TMTC2: variants seen among roughly 807,000 people sequenced by gnomAD.
TMTC2 encodes the protein protein O-mannosyl-transferase TMTC2.
Under a neutral mutation model 82.4 loss-of-function variants are expected in TMTC2, and 43 were observed. The ratio of observed to expected loss-of-function variants is 0.52; its 90% CI spans 0.41 to 0.67. TMTC2 has a LOEUF of 0.67. Among genes scored for constraint, TMTC2 ranks in the 30% least tolerant of loss-of-function variants. TMTC2 has a pLI of 0.00. For synonymous variants in TMTC2, 408 were observed against 381.9 expected (o/e 1.07, Z -0.80); for missense variants, 919 against 1,012.4 (o/e 0.91, Z 1.25).
At chr12:82,916,238 G>T (rs1167455905) in intron 3 of TMTC2, among the ~76,000 whole-genome samples, 2 of 152,164 alleles carry the variant, frequency 1.3e-5, no homozygotes, top group Non-Finnish European at 2.9e-5. Flanking sequence ...CAGTGTGATA[G>T]GCAAAATAGG....
chr12:82,720,989 G>T (rs1011458412), intron 1 of TMTC2, among the ~76,000 whole-genome samples: 1 of 152,196 alleles, frequency 6.6e-6, no homozygotes. Context: ...TGTTTTAGCT[G>T]TAAGTAGATC....
intron 1 of TMTC2, among the ~76,000 whole-genome samples, chr12:82,702,060 G>T (rs1303725905): frequency 6.6e-6 from 1 of 152,064 alleles, no homozygotes; most frequent in Non-Finnish European, 1.5e-5. Context: ...ATTAAAACAG[G>T]TCACAGTTTT....
intron 1 of TMTC2, among the ~76,000 whole-genome samples, chr12:82,809,939 T>G (rs1238362940): frequency 6.6e-6 from 1 of 152,168 alleles, no homozygotes; most frequent in African/African-American, 2.4e-5. Flanking sequence ...GTCATAGACT[T>G]TGAATATTCT....
At chr12:82,698,852 G>T (rs1248015830) in intron 1 of TMTC2, among the ~76,000 whole-genome samples, 2 of 152,166 alleles carry the variant, frequency 1.3e-5, no homozygotes, top group Admixed American at 1.3e-4. Flanking sequence ...GAGCTATTAA[G>T]TGATGAATGA....
intron 1 of TMTC2, among the ~76,000 whole-genome samples, chr12:82,766,392 G>T (rs1035378959): frequency 8.5e-5 from 13 of 152,118 alleles, no homozygotes; most frequent in Non-Finnish European, 1.3e-4. Flanking sequence ...CCCAAAGAAA[G>T]AAAATGGTAT....
intron 11 of TMTC2, among the ~76,000 whole-genome samples, chr12:83,075,198 A>G (rs545054933): frequency 3.3e-5 from 5 of 152,040 alleles, no homozygotes; most frequent in African/African-American, 1.2e-4. Flanking sequence ...TCCTACTTCC[A>G]CAGTTGGGGC....
chr12:82,737,829 A>G (rs1875199932), intron 1 of TMTC2, among the ~76,000 whole-genome samples: 2 of 152,198 alleles, frequency 1.3e-5, no homozygotes, highest in South Asian at 4.1e-4. Context: ...AGAATATTTT[A>G]TCTTTCTAAT....
At chr12:83,116,122 C>T (rs1473874785) in intron 11 of TMTC2, among the ~76,000 whole-genome samples, 12 of 152,234 alleles carry the variant, frequency 7.9e-5, no homozygotes, top group Admixed American at 2.0e-4. Context: ...GTCATTCTTA[C>T]GCCTTTGCAT....
intron 11 of TMTC2, among the ~76,000 whole-genome samples, chr12:83,093,412 C>T (rs982386867): frequency 6.6e-6 from 1 of 152,144 alleles, no homozygotes; most frequent in East Asian, 1.9e-4. Flanking sequence ...CTTTTGTGCC[C>T]AAAAGCTGAA....
intron 6 of TMTC2, among the ~76,000 whole-genome samples, chr12:82,966,582 G>A (rs2137305802): frequency 6.6e-6 from 1 of 152,228 alleles, no homozygotes; most frequent in South Asian, 2.1e-4. Context: ...CACTTTAGAT[G>A]ACTAATGGGT....
At chr12:82,741,698 A>C (rs1400210516) in intron 1 of TMTC2, among the ~76,000 whole-genome samples, 3 of 152,194 alleles carry the variant, frequency 2.0e-5, no homozygotes, top group African/African-American at 7.2e-5. Context: ...AAATAGAAGA[A>C]ATTTCATCCA....
chr12:82,736,169 G>A (rs1259773183), intron 1 of TMTC2, among the ~76,000 whole-genome samples: 1 of 152,136 alleles, frequency 6.6e-6, no homozygotes, highest in Admixed American at 6.5e-5. Flanking sequence ...TACAGAAAAT[G>A]TAATCGGAGT....
chr12:82,906,147 T>C (rs891721303), intron 3 of TMTC2, among the ~76,000 whole-genome samples: 3 of 152,146 alleles, frequency 2.0e-5, no homozygotes, highest in African/African-American at 7.2e-5. Flanking sequence ...AACTCAAGCC[T>C]CTAAGCCATG....
chr12:83,099,950 C>T (rs976392967), intron 11 of TMTC2, among the ~76,000 whole-genome samples: 1 of 149,990 alleles, frequency 6.7e-6, no homozygotes, highest in Non-Finnish European at 1.5e-5. Flanking sequence ...GAGTCTCTCT[C>T]CGTCACCCAG....
chr12:83,061,806 A>G lies in TMTC2; in HGVS notation c.2306A>G (p.Asp769Gly), dbSNP rs1276420551. Residue 769 changes from aspartate to glycine, a missense_variant, in exon 11 of 12, where the codon GAT becomes GGT. By Grantham distance (94) the Asp-to-Gly change is moderately conservative (BLOSUM62 -1). Coordinates refer to ENST00000321196, the MANE Select transcript of TMTC2 (RefSeq NM_152588.3). ...AATGAAGCAGCTGAGAAGTATTATG[A>G]TCTGGCAGCCAGGCTGAGGCCTAAT... ...SLNEAAEKYY[D>G]LAARLRPNYP... 5 of 1,597,124 alleles carry G rather than the reference A, an allele frequency of 3.1e-6. No individual in the cohort carries two copies. The highest frequency in any genetic ancestry group is 4.3e-6 in the Non-Finnish European group (5 of 1,172,222).
intron 9 of TMTC2, among the ~76,000 whole-genome samples, chr12:83,047,961 G>T (rs1398520576): frequency 1.3e-5 from 2 of 152,104 alleles, no homozygotes; most frequent in African/African-American, 4.8e-5. Flanking sequence ...CTTGTTATGG[G>T]TATCATTACT....
At chr12:82,737,790 T>C (rs1021001124) in intron 1 of TMTC2, among the ~76,000 whole-genome samples, 5 of 152,196 alleles carry the variant, frequency 3.3e-5, no homozygotes, top group Non-Finnish European at 7.4e-5. Flanking sequence ...AAACACCCCA[T>C]TGAGCTTTGT....
chr12:82,762,012 G>GC (rs1298609453), intron 1 of TMTC2, among the ~76,000 whole-genome samples: 1 of 123,378 alleles, frequency 8.1e-6, no homozygotes, highest in African/African-American at 3.1e-5. Flanking sequence ...TGTTGCCCAG[G>GC]CTGGGGTGCA....
intron 3 of TMTC2, among the ~76,000 whole-genome samples, chr12:82,897,458 T>C (rs1873741466): frequency 6.6e-6 from 1 of 152,194 alleles, no homozygotes; most frequent in Admixed American, 6.5e-5. Context: ...TACATAAAAA[T>C]AGATGTAAAT....
Sources: gnomAD v4.1 joint callset for allele counts (sites outside exome capture counted in the v4.1 genomes callset) on GRCh38, gnomAD v4.1.1 for gene constraint, MANE v1.5 for transcripts, NCBI Gene and HGNC (gene_info 2026-07-23, HGNC 2026-07-21) for gene names.